SLC14A2: variants seen among roughly 807,000 people sequenced by gnomAD.
SLC14A2 encodes urea transporter 2.
SLC14A2 carries 91 observed loss-of-function variants against 104.6 expected under a neutral mutation model. The ratio of observed to expected loss-of-function variants is 0.87; its 90% CI spans 0.73 to 1.04. SLC14A2 has a LOEUF of 1.04. Ranked by LOEUF, SLC14A2 falls within the 50% of genes least tolerant of loss-of-function variation. The pLI is 0.00. For missense variants in SLC14A2, 1,189 were observed against 1,156.0 expected, an observed-to-expected ratio of 1.03 and a Z score of -0.41; for synonymous variants, 476 against 466.4, an observed-to-expected ratio of 1.02 and a Z score of -0.27.
intron 1 of SLC14A2, among the ~76,000 whole-genome samples, chr18:45,335,148 A>G (rs1196662962): frequency 6.6e-6 from 1 of 151,994 alleles, no homozygotes; most frequent in Non-Finnish European, 1.5e-5. Context: ...CCCCTTTGTC[A>G]TCCCTCCTTT....
chr18:45,676,605 G>GT (rs1209379969), intron 18 of SLC14A2, among the ~76,000 whole-genome samples: 1 of 151,792 alleles, frequency 6.6e-6, no homozygotes, highest in African/African-American at 2.4e-5. Context: ...GCTGGGGGAA[G>GT]TGCTACTGGC....
intron 2 of SLC14A2, among the ~76,000 whole-genome samples, chr18:45,544,766 T>C (rs2043944249): frequency 2.0e-5 from 3 of 150,146 alleles, no homozygotes; most frequent in African/African-American, 7.3e-5. Context: ...TGTGATTATA[T>C]ATATATTTAT....
chr18:45,178,425 G>T, the SLC14A2 span, among the ~76,000 whole-genome samples: 5 of 151,932 alleles, frequency 3.3e-5, no homozygotes, highest in Non-Finnish European at 7.4e-5. Flanking sequence ...AAAAGCACAC[G>T]TTATTGGCAT....
chr18:45,479,890 C>T (rs1160813456), intron 1 of SLC14A2, among the ~76,000 whole-genome samples: 2 of 152,144 alleles, frequency 1.3e-5, no homozygotes, highest in East Asian at 3.8e-4. Context: ...GAAGGATCCT[C>T]TGGGAAATGG....
At chr18:45,470,349 TTG>T (rs748433550) in intron 1 of SLC14A2, among the ~76,000 whole-genome samples, 23 of 152,230 alleles carry the variant, frequency 1.5e-4, no homozygotes, top group Non-Finnish European at 3.4e-4. Flanking sequence ...TTTATTTTAA[TTG>T]TGTCTTTTGC....
intron 2 of SLC14A2, among the ~76,000 whole-genome samples, chr18:45,494,371 A>G (rs1027654980): frequency 6.6e-6 from 1 of 152,128 alleles, no homozygotes; most frequent in Admixed American, 6.5e-5. Flanking sequence ...GTTATCAGCA[A>G]CACCATCCAC....
Position 45,669,414 on chromosome 18 carries a change from C to T in SLC14A2, c.2145C>T (p.His715=). The T allele has an allele frequency of 6.2e-7, 1 of 1,613,836 alleles. No homozygotes were observed. The highest frequency in any genetic ancestry group is 8.5e-7 in the Non-Finnish European group (1 of 1,179,952). ...TVTLYLAATG[H]YNLFFPTTLL... is the part of the protein sequence containing the mutation. The stretch of plus-strand genomic sequence containing the variant: ...CTTTGTACCTGGCAGCCACGGGCCA[C>T]TACAACCTTTTCTTCCCCACAACGC... Residue 715 remains histidine (H), a synonymous_variant, in exon 16 of 20, where the codon CAC becomes CAT. Transcript: ENST00000255226.
chr18:45,247,495 A>C (rs140978166), intron 1 of SLC14A2, among the ~76,000 whole-genome samples: 1 of 152,046 alleles, frequency 6.6e-6, no homozygotes, highest in Non-Finnish European at 1.5e-5. Context: ...TGGGAGAGAG[A>C]TTTGTTTTAC....
chr18:45,290,770 GTTTATT>G (rs111980504), intron 1 of SLC14A2, among the ~76,000 whole-genome samples: 6,355 of 152,184 alleles, frequency 0.042, 169 homozygotes, highest in Middle Eastern at 0.11. Flanking sequence ...AATTTCATCT[GTTTATT>G]TTTAGTTATT....
chr18:45,592,835 T>A (rs2044667942), intron 2 of SLC14A2, among the ~76,000 whole-genome samples: 1 of 152,194 alleles, frequency 6.6e-6, no homozygotes, highest in Non-Finnish European at 1.5e-5. Context: ...ACTTGTAACT[T>A]CTGTTAACTC....
At chr18:45,431,108 G>A (rs759403352) in intron 1 of SLC14A2, among the ~76,000 whole-genome samples, 6 of 152,108 alleles carry the variant, frequency 3.9e-5, no homozygotes, top group Non-Finnish European at 7.3e-5. Context: ...TGTCTCATTT[G>A]GAGGGGTAAT....
intron 2 of SLC14A2, among the ~76,000 whole-genome samples, chr18:45,550,346 C>G (rs909940316): frequency 6.6e-6 from 1 of 152,170 alleles, no homozygotes; most frequent in Non-Finnish European, 1.5e-5. Context: ...GTTCTTCCCA[C>G]TTCCATGCCC....
At position 45,418,835 on chromosome 18, in the gene SLC14A2, C is replaced by G. The variant is rs1312055351; in HGVS notation, c.-124-64398C>G. Among the ~76,000 whole-genome samples the G allele has an allele frequency of 2.6e-5, 4 of 152,052 alleles. No homozygotes were observed. The South Asian group carries it at 8.3e-4, about 32-fold the overall frequency. ...TGTTCAACTAGCTTTCTCTTATTTT[C>G]CTTCTGAGGAAAAAAAAGGCATCTC... On this transcript the variant is annotated intron_variant, in intron 1 of 20. Transcript: ENST00000586448.
the SLC14A2 span, among the ~76,000 whole-genome samples, chr18:45,175,003 C>CTT: frequency 6.6e-6 from 1 of 152,120 alleles, no homozygotes; most frequent in Non-Finnish European, 1.5e-5. Flanking sequence ...GAAACAGACC[C>CTT]TTTTTAGACA....
intron 2 of SLC14A2, among the ~76,000 whole-genome samples, chr18:45,583,713 T>C (rs1404163900): frequency 6.6e-6 from 1 of 151,892 alleles, no homozygotes; most frequent in African/African-American, 2.4e-5. Flanking sequence ...AAATATAATG[T>C]CAGGAGTGAT....
intron 2 of SLC14A2, among the ~76,000 whole-genome samples, chr18:45,572,970 CAGTTA>C (rs1320967358): frequency 3.3e-5 from 5 of 152,152 alleles, no homozygotes; most frequent in Non-Finnish European, 7.3e-5. Context: ...ACCATGTTGG[CAGTTA>C]AAAAACCAAG....
chr18:45,425,105 C>T (rs1042997561), intron 1 of SLC14A2, among the ~76,000 whole-genome samples: 1 of 152,216 alleles, frequency 6.6e-6, no homozygotes, highest in South Asian at 2.1e-4. Flanking sequence ...CATCCAGTTC[C>T]CTTTAGGAGT....
chr18:45,635,525 A>G (rs1001265040), intron 5 of SLC14A2, among the ~76,000 whole-genome samples: 1 of 152,252 alleles, frequency 6.6e-6, no homozygotes, highest in East Asian at 1.9e-4. Context: ...CCATGGACTT[A>G]GCAAGATAGA....
intron 1 of SLC14A2, among the ~76,000 whole-genome samples, chr18:45,220,688 T>C (rs1332463608): frequency 2.0e-5 from 3 of 152,222 alleles, no homozygotes; most frequent in Non-Finnish European, 2.9e-5. Flanking sequence ...ACTTAGAGAC[T>C]GAACATGAAC....
Sources: allele counts gnomAD v4.1 joint callset (sites outside exome capture counted in the v4.1 genomes callset), GRCh38; gene constraint gnomAD v4.1.1; transcripts MANE v1.5; gene names NCBI Gene and HGNC (gene_info 2026-07-23, HGNC 2026-07-21).